LTV1: variants seen among roughly 807,000 people sequenced by gnomAD.
LTV1 encodes protein LTV1 homolog.
LTV1 carries 39 observed loss-of-function variants against 59.9 expected under a neutral mutation model. The observed-to-expected ratio is 0.65, with a 90% confidence interval of 0.50 to 0.85. The LOEUF is 0.85. Among genes scored for constraint, LTV1 ranks in the 40% least tolerant of loss-of-function variants. The pLI is 0.00. For missense variants in LTV1, 493 were observed against 549.1 expected (o/e 0.90, Z 1.02); for synonymous variants, 171 against 189.5 (o/e 0.90, Z 0.80).
At chr6:143,858,974 C>T (rs955250489) in intron 6 of LTV1, among the ~76,000 whole-genome samples, 4 of 152,046 alleles carry the variant, frequency 2.6e-5, no homozygotes, top group African/African-American at 7.2e-5. Flanking sequence ...CTGGAAAGAA[C>T]GTGTGTAGGT....
At position 143,862,277 on chromosome 6, in the gene LTV1, A is replaced by G. The variant is rs372708206; in HGVS notation, c.1063+34A>G. 3.8e-6 allele frequency: 6 copies of G among 1,587,530 alleles called. No individual in the cohort carries two copies. Among genetic ancestry groups the G allele is most frequent in the Non-Finnish European group, 5.2e-6 (6 of 1,158,848 alleles). On this transcript the variant is annotated intron_variant, in intron 8 of 10. Transcript: ENST00000367576. The surrounding 1 kb of genome is among the most constrained non-coding windows in gnomAD (Gnocchi z 4.2). ...ATTCACTTTATGATAGTAATTTTAA[A>G]GTATTAAAGTATATCAACTTTAGGC...
intron 4 of LTV1, among the ~76,000 whole-genome samples, chr6:143,851,817 T>C (rs545183476): frequency 3.8e-4 from 58 of 152,242 alleles, no homozygotes; most frequent in African/African-American, 1.3e-3. Context: ...AGTGAGAACA[T>C]GCGGTGTTTG....
At chr6:143,860,146 C>T (rs1777138588) in intron 6 of LTV1, among the ~76,000 whole-genome samples, 1 of 152,094 alleles carries the variant, frequency 6.6e-6, no homozygotes, top group Non-Finnish European at 1.5e-5. Flanking sequence ...ATCTGTGCTG[C>T]CTAGCATTTT....
In LTV1 at chr6:143,862,886, A is replaced by G; in HGVS notation, c.1106A>G (p.Tyr369Cys). The G allele has an allele frequency of 6.3e-7, 1 of 1,597,360 alleles. No homozygotes were observed. Among genetic ancestry groups the G allele is most frequent in the Non-Finnish European group, 8.6e-7 (1 of 1,164,830 alleles). ...TATAACCATCCACAGCTTATCAAGT[A>G]TCAACCAAAGGTAAGTCCTAGTGTG... is the stretch of plus-strand genomic sequence containing the variant. ...NLYNHPQLIK[Y>C]QPKPKQIRIS... Residue 369 changes from tyrosine (Y) to cysteine (C), a missense_variant, in exon 9 of 11, where the codon TAT becomes TGT. Coordinates refer to ENST00000367576, the MANE Select transcript of LTV1 (RefSeq NM_032860.5). This position sits in a 1 kb window ranked among gnomAD's most constrained non-coding sequence, Gnocchi z 4.2.
At chr6:143,847,673 C>T (rs1356543312) in intron 3 of LTV1, among the ~76,000 whole-genome samples, 2 of 152,200 alleles carry the variant, frequency 1.3e-5, no homozygotes, top group Non-Finnish European at 2.9e-5. Context: ...ATAAGACTAA[C>T]TTTTAATCCT....
At chr6:143,845,668 G>C (rs1223094654) in intron 2 of LTV1, among the ~76,000 whole-genome samples, 1 of 152,210 alleles carries the variant, frequency 6.6e-6, no homozygotes, top group Admixed American at 6.5e-5. Flanking sequence ...ATGAGCCACT[G>C]CACCTGGCCC....
rs1777056810 is a variant in LTV1 at position 143,855,328 on chromosome 6, C to CT, written c.398-1974dup. On this transcript the variant is annotated intron_variant, in intron 4 of 10. Coordinates refer to ENST00000367576, the MANE Select transcript of LTV1 (RefSeq NM_032860.5). The surrounding 1 kb of genome is among the most constrained non-coding windows in gnomAD (Gnocchi z 4.6). Reference sequence around the variant, plus strand: ...TATCCTCCATTCCTTTATTTTGAGTCTGTGTGCGTCTTTGCACATGAGATA... The same window carrying CT: ...TATCCTCCATTCCTTTATTTTGAGTCTTGTGTGCGTCTTTGCACATGAGATA... Among the ~76,000 whole-genome samples the CT allele has an allele frequency of 6.6e-6, 1 of 152,120 alleles. No individual in the cohort carries two copies. Among genetic ancestry groups the CT allele is most frequent in the African/African-American group, 2.4e-5 (1 of 41,410 alleles).
In LTV1 at chr6:143,850,230, T is replaced by C. The variant is rs200336265; in HGVS notation, c.397+12T>C. ...AGCTCCAGTTTCAGGTATTTTTAAT[T>C]GCTTTATCTTTTCATATGGATAAAT... On this transcript the variant is annotated intron_variant, in intron 4 of 10. Coordinates refer to ENST00000367576, the MANE Select transcript of LTV1 (RefSeq NM_032860.5). The C allele has an allele frequency of 3.8e-6, 6 of 1,595,728 alleles. No individual in the cohort carries two copies. In the East Asian group the frequency reaches 1.3e-4, roughly 36 times the overall value.
intron 6 of LTV1, 69 bp downstream of exon 6, chr6:143,858,076 G>A (rs1162680009): frequency 8.9e-6 from 13 of 1,463,740 alleles, no homozygotes; most frequent in Non-Finnish European, 1.2e-5. Context: ...ATACCTGTCA[G>A]CTTTAGCCCA....
chr6:143,852,376 A>C (rs988462552), intron 4 of LTV1, among the ~76,000 whole-genome samples: 24 of 152,288 alleles, frequency 1.6e-4, no homozygotes, highest in African/African-American at 5.5e-4. Context: ...TCTTCATTTG[A>C]GAAATATCTG....
In LTV1 at chr6:143,857,271, G is replaced by T. The variant is rs544661743; in HGVS notation, c.398-32G>T. On this transcript the variant is annotated intron_variant, in intron 4 of 10. Coordinates refer to ENST00000367576, the MANE Select transcript of LTV1 (RefSeq NM_032860.5). This position sits in a 1 kb window ranked among gnomAD's most constrained non-coding sequence, Gnocchi z 5.2. ...AGTGAATGAATTGTTGCTATCTTGGGAATTACTGCTTAATTTTTGTTTTCC... is the reference window on the plus strand; with the variant it reads ...AGTGAATGAATTGTTGCTATCTTGGTAATTACTGCTTAATTTTTGTTTTCC... 1.9e-6 allele frequency: 3 copies of T among 1,611,176 alleles called. No homozygotes were observed. The highest frequency in any genetic ancestry group is 2.2e-5 in the East Asian group (1 of 44,842).
intron 4 of LTV1, among the ~76,000 whole-genome samples, chr6:143,856,735 C>T (rs1777082327): frequency 6.6e-6 from 1 of 152,150 alleles, no homozygotes; most frequent in Non-Finnish European, 1.5e-5. Context: ...CAGTCCAGTC[C>T]CTGTTTGCCT....
At chr6:143,849,203 T>A (rs1231231136) in intron 3 of LTV1, among the ~76,000 whole-genome samples, 1 of 152,234 alleles carries the variant, frequency 6.6e-6, no homozygotes, top group Non-Finnish European at 1.5e-5. Flanking sequence ...AATGAGGTGA[T>A]GCCCCAAAGA....
In LTV1 at chr6:143,860,475, A is replaced by T; in HGVS notation, c.845A>T (p.Glu282Val). 1.2e-6 allele frequency: 2 copies of T among 1,613,652 alleles called. No homozygotes were observed. The highest frequency in any genetic ancestry group is 1.7e-6 in the Non-Finnish European group (2 of 1,179,706). Residue 282 changes from glutamate to valine, a missense_variant, in exon 7 of 11, where the codon GAA (glutamate) becomes GTA (valine). Transcript: ENST00000367576. ...GAAATTGGAGCTCTGGATAATGCAG[A>T]ATTGGAAGGTTCTATTCAAGTGGAC... ...DDEIGALDNA[E>V]LEGSIQVDSN...
At chr6:143,845,555 T>C (rs1460569810) in intron 2 of LTV1, among the ~76,000 whole-genome samples, 1 of 152,116 alleles carries the variant, frequency 6.6e-6, no homozygotes, top group Non-Finnish European at 1.5e-5. Flanking sequence ...TTTAAAATTA[T>C]TTTGTAGAAA....
intron 7 of LTV1, 151 bp downstream of exon 7, chr6:143,860,704 GA>G (rs906215078): frequency 3.6e-4 from 230 of 634,552 alleles, no homozygotes; most frequent in South Asian, 5.2e-4. Flanking sequence ...AAGAAAAGGG[GA>G]AAAAAAAAGA....
chr6:143,844,672 C>CTTT (rs35521359), intron 2 of LTV1, 55 bp downstream of exon 2: 14 of 1,265,272 alleles, frequency 1.1e-5, no homozygotes, highest in East Asian at 2.7e-5. Flanking sequence ...TTTTTTTTTT[C>CTTT]TTTTTTTTTT....
At chr6:143,848,115 G>A (rs536280160) in intron 3 of LTV1, among the ~76,000 whole-genome samples, 8 of 152,224 alleles carry the variant, frequency 5.3e-5, no homozygotes, top group South Asian at 2.1e-4. Flanking sequence ...ACTCTTAATC[G>A]TGTATGTGAT....
chr6:143,858,086 A>T, intron 6 of LTV1, 79 bp downstream of exon 6: 1 of 1,346,218 alleles, frequency 7.4e-7, no homozygotes, highest in African/African-American at 1.5e-5. Context: ...GCTTTAGCCC[A>T]GGTTGAAGTG....
Sources: allele counts gnomAD v4.1 joint callset (sites outside exome capture counted in the v4.1 genomes callset), GRCh38; gene constraint gnomAD v4.1.1; non-coding constraint Gnocchi (gnomAD v3.1); transcripts MANE v1.5; gene names NCBI Gene and HGNC (gene_info 2026-07-23, HGNC 2026-07-21).